Variants in RBFOX2 observed in about 807,000 individuals in gnomAD.
The protein encoded by RBFOX2 is RNA binding protein fox-1 homolog 2.
RBFOX2 carries 10 observed loss-of-function variants against 49.1 expected under a neutral mutation model. That is an observed-to-expected ratio of 0.20 (90% CI 0.13 to 0.35). The LOEUF (loss-of-function observed/expected upper bound fraction) is 0.35. RBFOX2 is among the 10% of genes least tolerant of loss of function. The pLI is 1.00. For missense variants in RBFOX2, 323 were observed against 486.9 expected, an observed-to-expected ratio of 0.66 and a Z score of 3.17; for synonymous variants, 183 against 187.4, an observed-to-expected ratio of 0.98 and a Z score of 0.19.
chr22:35,988,186 C>T (rs1038448600), intron 1 of RBFOX2, among the ~76,000 whole-genome samples: 1 of 152,172 alleles, frequency 6.6e-6, no homozygotes, highest in African/African-American at 2.4e-5. Context: ...AGCAAAAGAA[C>T]CGCACAGCGA....
chr22:35,946,747 T>C lies in RBFOX2; in HGVS notation c.43-7850A>G, dbSNP rs548341050. The stretch of plus-strand genomic sequence containing the variant: ...AGGTGTTCAAAACCTAGTGATATTA[T>C]AAACTGTTTCTAGTATTCAAGAACA... On this transcript the variant is annotated intron_variant, in intron 1 of 5. Coordinates refer to the RBFOX2 transcript ENST00000408983. 1.2e-4 allele frequency among the ~76,000 whole-genome samples: 18 copies of C among 152,320 alleles called. 1 individual carries two copies. The South Asian group carries it at 3.5e-3, about 30-fold the overall frequency.
At chr22:36,022,273 A>C (rs1268864836) in intron 1 of RBFOX2, among the ~76,000 whole-genome samples, 1 of 152,238 alleles carries the variant, frequency 6.6e-6, no homozygotes, top group Non-Finnish European at 1.5e-5. Context: ...CTTTCTCAGC[A>C]GTCCTGTAAA....
chr22:35,925,699 C>T (rs2051549841), intron 1 of RBFOX2, among the ~76,000 whole-genome samples: 1 of 152,154 alleles, frequency 6.6e-6, no homozygotes, highest in Non-Finnish European at 1.5e-5. Context: ...AGAATTCAAA[C>T]CCACATTTAA....
intron 1 of RBFOX2, among the ~76,000 whole-genome samples, chr22:35,834,999 A>G (rs557939876): frequency 6.6e-6 from 1 of 152,326 alleles, no homozygotes; most frequent in African/African-American, 2.4e-5. Context: ...GAATAGACAC[A>G]ATACATTGTG....
chr22:35,845,546 C>G (rs1455738517), upstream of RBFOX2, among the ~76,000 whole-genome samples: 2 of 152,100 alleles, frequency 1.3e-5, no homozygotes, highest in Non-Finnish European at 2.9e-5. Context: ...ATCAGTGAGG[C>G]CAGGCAAATC....
intron 1 of RBFOX2, among the ~76,000 whole-genome samples, chr22:35,953,210 CAAAAAAAAAA>C (rs34387129): frequency 1.8e-4 from 4 of 22,418 alleles, no homozygotes; most frequent in African/African-American, 1.9e-4. Flanking sequence ...GACTCCATCT[CAAAAAAAAAA>C]AAAAAAAAAA....
intron 1 of RBFOX2, among the ~76,000 whole-genome samples, chr22:35,949,199 T>C (rs1434662927): frequency 1.3e-5 from 2 of 152,254 alleles, no homozygotes; most frequent in Non-Finnish European, 2.9e-5. Context: ...TAAAATTATA[T>C]AAAACACAAT....
chr22:35,774,453 C>T (rs2146884896), intron 4 of RBFOX2, among the ~76,000 whole-genome samples: 1 of 152,226 alleles, frequency 6.6e-6, no homozygotes, highest in African/African-American at 2.4e-5. Context: ...AAAGCCTAGT[C>T]TATCTCTGTT....
At chr22:35,911,956 A>T (rs927296805) in intron 1 of RBFOX2, among the ~76,000 whole-genome samples, 2 of 151,952 alleles carry the variant, frequency 1.3e-5, no homozygotes, top group African/African-American at 2.4e-5. Context: ...ATTTTTTTTT[A>T]ATCTTAAATA....
At position 35,977,806 on chromosome 22, in the gene RBFOX2, C is replaced by T. The variant is rs562396527; in HGVS notation, c.187-38909G>A. 2.3e-5 allele frequency among the ~76,000 whole-genome samples: 3 copies of T among 132,954 alleles called. No individual in the cohort carries two copies. The South Asian group carries it at 7.4e-4, about 33-fold the overall frequency. 87.2% of individuals were successfully genotyped at this position (132,954 alleles called of 152,430 possible). A position where few individuals can be genotyped will look rare whatever the true frequency, so the allele number is the denominator to read the frequency against. ...TACATATGTGTATACGTATAAAATC[C>T]CCCTCAAAAAAAAAAAAAGCCCTGT... On this transcript the variant is annotated intron_variant, in intron 1 of 13. Coordinates refer to the RBFOX2 transcript ENST00000438146.
chr22:35,751,064 G>C (rs111439744), intron 9 of RBFOX2, among the ~76,000 whole-genome samples: 1 of 151,958 alleles, frequency 6.6e-6, no homozygotes, highest in Non-Finnish European at 1.5e-5. Flanking sequence ...ATGATCTTTC[G>C]GCACAGTTCT....
At chr22:35,881,641 TC>T (rs553349646) in intron 1 of RBFOX2, among the ~76,000 whole-genome samples, 18 of 150,596 alleles carry the variant, frequency 1.2e-4, no homozygotes, top group African/African-American at 4.1e-4. Context: ...TTTTTCACTA[TC>T]CCTTTATTCT....
At chr22:35,828,826 C>T (rs905202610) in intron 1 of RBFOX2, among the ~76,000 whole-genome samples, 2 of 151,926 alleles carry the variant, frequency 1.3e-5, no homozygotes, top group South Asian at 2.1e-4. Flanking sequence ...CCGAGGCGGG[C>T]GGATCTTGAG....
chr22:35,889,892 CA>C (rs2047042490), intron 1 of RBFOX2, among the ~76,000 whole-genome samples: 1 of 152,108 alleles, frequency 6.6e-6, no homozygotes, highest in Admixed American at 6.5e-5. Flanking sequence ...TTGCCTCACA[CA>C]AAAGAACTTC....
At chr22:35,979,689 A>T (rs1361430652) in intron 1 of RBFOX2, among the ~76,000 whole-genome samples, 1 of 152,198 alleles carries the variant, frequency 6.6e-6, no homozygotes, top group Non-Finnish European at 1.5e-5. Context: ...ACTTTTCTGT[A>T]ATGTGAAATT....
At chr22:35,824,494 G>A (rs540208549) in intron 1 of RBFOX2, 2 of 152,340 alleles carry the variant, frequency 1.3e-5, no homozygotes, top group East Asian at 3.9e-4. Context: ...GCAATGAAAT[G>A]TAAACCAGTG....
At chr22:35,757,223 T>G (rs1303975323) in intron 9 of RBFOX2, among the ~76,000 whole-genome samples, 1 of 131,968 alleles carries the variant, frequency 7.6e-6, no homozygotes, top group Non-Finnish European at 1.7e-5. Flanking sequence ...TGCATGACTT[T>G]AAAAAAAAAA....
At position 35,955,635 on chromosome 22, in the gene RBFOX2, C is replaced by T. The variant is rs1012923301; in HGVS notation, c.42+5928G>A. On this transcript the variant is annotated intron_variant, in intron 1 of 5. Coordinates refer to the RBFOX2 transcript ENST00000408983. Reference sequence around the variant, plus strand: ...GATGGAACAGGCAACCTAGATCCCTCGCACGCGCAGTTCACAGTAGGGTAT... The same window carrying T: ...GATGGAACAGGCAACCTAGATCCCTTGCACGCGCAGTTCACAGTAGGGTAT... 7.2e-5 allele frequency among the ~76,000 whole-genome samples: 11 copies of T among 152,106 alleles called. No homozygotes were observed. The East Asian group carries it at 1.5e-3, about 21-fold the overall frequency.
At chr22:35,875,962 A>C (rs1167292703) in intron 1 of RBFOX2, among the ~76,000 whole-genome samples, 1 of 152,244 alleles carries the variant, frequency 6.6e-6, no homozygotes, top group East Asian at 1.9e-4. Context: ...GTTAAAATTT[A>C]GTTTACTTCT....
Sources: allele counts gnomAD v4.1 joint callset (sites outside exome capture counted in the v4.1 genomes callset), GRCh38; gene constraint gnomAD v4.1.1; transcripts MANE v1.5; gene names NCBI Gene and HGNC (gene_info 2026-07-23, HGNC 2026-07-21).